The following TGFBI variants were observed in gnomAD, a reference collection of about 807,000 sequenced individuals.
The protein encoded by TGFBI is transforming growth factor-beta-induced protein ig-h3.
A neutral mutation model predicts 73.7 loss-of-function variants in TGFBI; 50 were observed. That is an observed-to-expected ratio of 0.68 (90% CI 0.54 to 0.86). TGFBI has a LOEUF of 0.86. TGFBI is among the 40% of genes least tolerant of loss of function. TGFBI has a pLI of 0.00. For synonymous variants in TGFBI, 362 were observed against 360.5 expected (o/e 1.00, Z -0.05); for missense variants, 839 against 877.0 (o/e 0.96, Z 0.55).
intron 3 of TGFBI, 34 bp from the exon 4 acceptor site, chr5:136,046,301 A>G (rs374380455): frequency 5.6e-6 from 9 of 1,613,086 alleles, no homozygotes; most frequent in Admixed American, 5.0e-5. Context: ...GGACCCCCAG[A>G]GGCCATCCCT....
intron 2 of TGFBI, among the ~76,000 whole-genome samples, chr5:136,036,012 T>C (rs1751214775): frequency 6.6e-6 from 1 of 152,218 alleles, no homozygotes; most frequent in Non-Finnish European, 1.5e-5. Context: ...ATACTGTCAG[T>C]GATGAGTCGC....
rs751901379 is a variant in TGFBI, at chr5:136,046,967, C to T, written c.576C>T (p.Thr192=). The part of the protein sequence containing the change: ...TDELKHGMTL[T]SMYQNSNIQI... ...AGCTGAAACACGGCATGACCCTCAC[C>T]TCTATGTACCAGAATTCCAACATCC... Residue 192 remains threonine, a synonymous_variant, in exon 5 of 17, where the codon ACC becomes ACT. Transcript: ENST00000442011. 6 of 1,613,554 alleles carry T rather than the reference C, an allele frequency of 3.7e-6. No individual in the cohort carries two copies. The African/African-American group carries it at 5.3e-5, about 14-fold the overall frequency.
chr5:136,055,455 G>T (rs1377994098), intron 10 of TGFBI: 3 of 405,910 alleles, frequency 7.4e-6, no homozygotes, highest in African/African-American at 2.0e-5. Flanking sequence ...GGACCTCTGT[G>T]TGACTTTATT....
At position 136,056,759 on chromosome 5, in the gene TGFBI, C is replaced by A. The variant is rs367944058; in HGVS notation, c.1642C>A (p.Arg548=). 1.9e-6 allele frequency: 3 copies of A among 1,613,742 alleles called. No individual in the cohort carries two copies. Among genetic ancestry groups the A allele is most frequent in the Non-Finnish European group, 2.5e-6 (3 of 1,179,864 alleles). ...TVFAPTNEAF[R]ALPPRERSRL... is the part of the protein sequence containing the mutation. ...CTTTGCTCCCACAAATGAAGCCTTC[C>A]GAGCCCTGCCACCAAGAGAACGGAG... Residue 548 remains arginine (R), a synonymous_variant, in exon 12 of 17, where the codon CGA becomes AGA. Coordinates refer to ENST00000442011, the MANE Select transcript of TGFBI (RefSeq NM_000358.3).
chr5:136,061,649 C>T, intron 15 of TGFBI, 70 bp downstream of exon 15: 1 of 1,302,042 alleles, frequency 7.7e-7, no homozygotes, highest in South Asian at 1.2e-5. Context: ...ATAGAGGAGC[C>T]TCTCCAGCCC....
At chr5:136,045,625 G>A (rs543782939) in intron 3 of TGFBI, 1 of 152,220 alleles carries the variant, frequency 6.6e-6, no homozygotes, top group Admixed American at 6.5e-5. Context: ...TGGTTCCAAG[G>A]TTCCTAGAGT....
At chr5:136,055,866 AGTGGGAT>A in intron 11 of TGFBI, 50 bp downstream of exon 11, 1 of 1,542,044 alleles carries the variant, frequency 6.5e-7, no homozygotes, top group Non-Finnish European at 8.8e-7. Context: ...GTCATGCTGG[AGTGGGAT>A]GTGGGGCCCC....
chr5:136,047,593 T>G (rs1309357113), intron 6 of TGFBI, 173 bp downstream of exon 6: 7 of 753,764 alleles, frequency 9.3e-6, no homozygotes, highest in Non-Finnish European at 1.5e-5. Flanking sequence ...ACATTCAGCT[T>G]GACCTAACCT....
At chr5:136,061,124 T>A in intron 14 of TGFBI, 188 bp downstream of exon 14, 1 of 599,434 alleles carries the variant, frequency 1.7e-6, no homozygotes, top group Middle Eastern at 4.2e-4. Context: ...CACTAAGGAA[T>A]GTGAGGACAC....
intron 6 of TGFBI, 115 bp downstream of exon 6, chr5:136,047,535 G>C: frequency 7.7e-7 from 1 of 1,301,732 alleles, no homozygotes. Context: ...GGGGAACATA[G>C]AGCAGGTTCC....
At chr5:136,042,800 C>A (rs1410328999) in intron 2 of TGFBI, among the ~76,000 whole-genome samples, 1 of 152,162 alleles carries the variant, frequency 6.6e-6, no homozygotes, top group Non-Finnish European at 1.5e-5. Context: ...TGAAACACCC[C>A]CTGGAGAACA....
At chr5:136,061,684 G>A in intron 15 of TGFBI, 105 bp downstream of exon 15, 2 of 951,716 alleles carry the variant, frequency 2.1e-6, no homozygotes, top group Non-Finnish European at 3.3e-6. Flanking sequence ...TGCTCCCCAG[G>A]GCTCTCTTAA....
At chr5:136,046,234 T>C in intron 3 of TGFBI, 101 bp from the exon 4 acceptor site, 1 of 1,431,628 alleles carries the variant, frequency 7.0e-7, no homozygotes, top group Non-Finnish European at 9.6e-7. Flanking sequence ...CTCCTCGTCC[T>C]CTCCACCTGT....
chr5:136,032,520 C>T (rs763829399), intron 1 of TGFBI, among the ~76,000 whole-genome samples: 7 of 152,324 alleles, frequency 4.6e-5, no homozygotes, highest in Admixed American at 3.3e-4. Flanking sequence ...TTAACAAATA[C>T]GCTGCACATC....
At chr5:136,040,353 G>A (rs947835731) in intron 2 of TGFBI, among the ~76,000 whole-genome samples, 2 of 152,208 alleles carry the variant, frequency 1.3e-5, no homozygotes, top group African/African-American at 4.8e-5. Flanking sequence ...CACACAGCAG[G>A]AGTTGAGTGG....
At chr5:136,060,958 A>G in intron 14 of TGFBI, 22 bp downstream of exon 14, 1 of 1,512,752 alleles carries the variant, frequency 6.6e-7, no homozygotes, top group Non-Finnish European at 9.0e-7. Context: ...ATCCCCACTG[A>G]CTCTGCAGCC....
intron 2 of TGFBI, among the ~76,000 whole-genome samples, chr5:136,034,586 G>A (rs1751183205): frequency 6.6e-6 from 1 of 151,798 alleles, no homozygotes; most frequent in Non-Finnish European, 1.5e-5. Flanking sequence ...ACAAGCAGAA[G>A]TAAGAGTGCC....
chr5:136,036,371 A>G (rs1425848435), intron 2 of TGFBI, among the ~76,000 whole-genome samples: 2 of 152,222 alleles, frequency 1.3e-5, no homozygotes, highest in African/African-American at 4.8e-5. Context: ...TCAAAGAGAG[A>G]AAATGAAGAT....
At position 136,046,500 on chromosome 5, in the gene TGFBI, G is replaced by C. The variant is rs1325892536; in HGVS notation, c.459+5G>C. The C allele has an allele frequency of 3.1e-6, 5 of 1,600,180 alleles. No homozygotes were observed. The African/African-American group carries it at 5.4e-5, about 17-fold the overall frequency. On this transcript the variant is annotated splice_donor_5th_base_variant and intron_variant, in intron 4 of 16. Transcript: ENST00000442011. ...GCCTGGGCCTCCTTGCCAGCTGTGA[G>C]ATGACCTCCGTCTGCCCGGGGGACT... is the stretch of plus-strand genomic sequence containing the variant.
Sources: gnomAD v4.1 joint callset for allele counts (sites outside exome capture counted in the v4.1 genomes callset) on GRCh38, gnomAD v4.1.1 for gene constraint, MANE v1.5 for transcripts, NCBI Gene and HGNC (gene_info 2026-07-23, HGNC 2026-07-21) for gene names.